RABIF: variants seen among roughly 807,000 people sequenced by gnomAD.
The protein encoded by RABIF is RAB interacting factor, also known as guanine nucleotide exchange factor MSS4.
A neutral mutation model predicts 12.3 loss-of-function variants in RABIF; 13 were observed. That is an observed-to-expected ratio of 1.06 (90% confidence interval 0.69 to 1.68). The LOEUF (loss-of-function observed/expected upper bound fraction) is 1.68, where lower values mean the gene tolerates loss of function less well. RABIF is among the 40% of genes most tolerant of loss of function. The pLI is 0.00. For synonymous variants in RABIF, 70 were observed against 63.3 expected (o/e 1.11, Z -0.50); for missense variants, 153 against 158.0 (o/e 0.97, Z 0.17).
chr1:202,886,855 TC>T (rs1360380404), intron 1 of RABIF, among the ~76,000 whole-genome samples: 8 of 150,826 alleles, frequency 5.3e-5, no homozygotes, highest in Non-Finnish European at 1.0e-4. Context: ...CCCCTCAGCC[TC>T]CCAAGTAGCT....
intron 1 of RABIF, 142 bp downstream of exon 1, chr1:202,888,831 G>C (rs886619704): frequency 8.3e-7 from 1 of 1,200,310 alleles, no homozygotes; most frequent in East Asian, 3.1e-5. Context: ...GCCTCGCCGA[G>C]CTGAGGCCCG....
intron 1 of RABIF, among the ~76,000 whole-genome samples, chr1:202,885,761 T>A (rs1190816246): frequency 6.6e-6 from 1 of 152,208 alleles, no homozygotes; most frequent in Non-Finnish European, 1.5e-5. Context: ...TTACATCATG[T>A]CCTAGAAGTT....
In RABIF at chr1:202,889,078, C is replaced by G. The variant is rs576258640; in HGVS notation, c.21G>C (p.Pro7=). 3 of 1,608,968 alleles carry G rather than the reference C, an allele frequency of 1.9e-6. No homozygotes were observed. The highest frequency in any genetic ancestry group is 3.4e-5 in the Admixed American group (2 of 59,446). ...GGCCCTCGGCTGACACTAACTCGCT[C>G]GGCTGCTCCGCTGGTTCCATCGCCG... MEPAEQ[P]SELVSAEGRN... is the part of the protein sequence containing the mutation. The change falls in exon 1 of 2, where the codon CCG becomes CCC. Residue 7 remains proline (P), a synonymous_variant. Transcript: ENST00000367262.
intron 1 of RABIF, 133 bp downstream of exon 1, chr1:202,888,840 C>A (rs1034706751): frequency 4.9e-5 from 62 of 1,268,492 alleles, no homozygotes; most frequent in Non-Finnish European, 6.2e-5. Context: ...AGCTGAGGCC[C>A]GAGGGGCGGG....
Position 202,880,543 on chromosome 1 carries a change from T to C in RABIF, c.*435A>G. Reference sequence around the variant, plus strand: ...ATACAACAAAGTCACTCTCAGATATTTGTATGCCTTCTTGAATGAGAAAAA... The same window carrying C: ...ATACAACAAAGTCACTCTCAGATATCTGTATGCCTTCTTGAATGAGAAAAA... On this transcript the variant is annotated 3_prime_UTR_variant, in exon 2 of 2. Transcript: ENST00000367262. 1 of 277,862 alleles carries C rather than the reference T, an allele frequency of 3.6e-6. No homozygotes were observed. The highest frequency in any genetic ancestry group is 5.5e-6 in the Non-Finnish European group (1 of 181,716). 17.2% of individuals were successfully genotyped at this position (277,862 alleles called of 1,614,324 possible).
Position 202,878,388 on chromosome 1 carries a change from T to G in RABIF, c.*2590A>C, listed in dbSNP as rs1056783628. 3.3e-5 allele frequency among the ~76,000 whole-genome samples: 5 copies of G among 152,164 alleles called. No individual in the cohort carries two copies. The highest frequency in any genetic ancestry group is 4.8e-5 in the African/African-American group (2 of 41,438). On this transcript the variant is annotated 3_prime_UTR_variant, in exon 2 of 2. Transcript: ENST00000367262. ...AAGCCCACCTCCCAGGGTTCCCATC[T>G]CCTCTGCTGTCCTGGTTTAGCAATT... is the stretch of plus-strand genomic sequence containing the variant.
chr1:202,880,768 T>C lies in RABIF; in HGVS notation c.*210A>G. 1.5e-6 allele frequency: 2 copies of C among 1,319,612 alleles called. No individual in the cohort carries two copies. Among genetic ancestry groups the C allele is most frequent in the East Asian group, 2.8e-5 (1 of 36,188 alleles). 81.7% of individuals were successfully genotyped at this position (1,319,612 alleles called of 1,614,324 possible). The stretch of plus-strand genomic sequence containing the variant: ...CTGGGGGAAAAGGGAGCTTAGGAAA[T>C]GTGATACAAAGTGAACTAAGCAGGA... On this transcript the variant is annotated 3_prime_UTR_variant, in exon 2 of 2. Transcript: ENST00000367262.
At position 202,879,530 on chromosome 1, in the gene RABIF, A is replaced by G. The variant is rs986562526; in HGVS notation, c.*1448T>C. 2.6e-5 allele frequency: 4 copies of G among 152,198 alleles called. No homozygotes were observed. The highest frequency in any genetic ancestry group is 9.7e-5 in the African/African-American group (4 of 41,440). 9.4% of individuals were successfully genotyped at this position (152,198 alleles called of 1,614,324 possible). On this transcript the variant is annotated 3_prime_UTR_variant, in exon 2 of 2. Coordinates refer to ENST00000367262, the MANE Select transcript of RABIF (RefSeq NM_002871.5). ...ATAACTCTGTTTTTCTGCACATGCC[A>G]TAACGATGGACATGTGACCGTTTGT... is the stretch of plus-strand genomic sequence containing the variant.
Position 202,880,881 on chromosome 1 carries a change from A to C in RABIF, c.*97T>G. ...GTACTCAGTATTTATATTAGCACAG[A>C]CAAGAAGGCAGCGGAACAGTTATAC... On this transcript the variant is annotated 3_prime_UTR_variant, in exon 2 of 2. Coordinates refer to ENST00000367262, the MANE Select transcript of RABIF (RefSeq NM_002871.5). 1.3e-6 allele frequency: 2 copies of C among 1,542,428 alleles called. No homozygotes were observed. Among genetic ancestry groups the C allele is most frequent in the South Asian group, 1.3e-5 (1 of 79,690 alleles).
intron 1 of RABIF, among the ~76,000 whole-genome samples, chr1:202,886,648 C>T (rs1443351169): frequency 6.6e-6 from 1 of 152,114 alleles, no homozygotes; most frequent in Non-Finnish European, 1.5e-5. Flanking sequence ...TGTAATCCCA[C>T]CACTTTGGGA....
chr1:202,889,136 C>T lies in RABIF; in HGVS notation c.-38G>A, dbSNP rs780007921. The stretch of plus-strand genomic sequence containing the variant: ...CACAGGCTCCTCAGCCACGGCTGCG[C>T]AGACGCTGTCTCTGCTGGCTCGTTA... On this transcript the variant is annotated 5_prime_UTR_variant, in exon 1 of 2. Transcript: ENST00000367262. 1 of 1,577,208 alleles carries T rather than the reference C, an allele frequency of 6.3e-7. No homozygotes were observed. Among genetic ancestry groups the T allele is most frequent in the Non-Finnish European group, 8.6e-7 (1 of 1,162,060 alleles).
At position 202,881,106 on chromosome 1, in the gene RABIF, A is replaced by G. The variant is rs750676659; in HGVS notation, c.244T>C (p.Phe82Leu). 6 of 1,614,074 alleles carry G rather than the reference A, an allele frequency of 3.7e-6. No individual in the cohort carries two copies. Among genetic ancestry groups the G allele is most frequent in the Non-Finnish European group, 5.1e-6 (6 of 1,180,040 alleles). Reference protein sequence around the residue: ...EDMFIFENVGFTKDVGNIKFL... With the variant: ...EDMFIFENVGLTKDVGNIKFL... ...TTGATGTTGCCCACGTCCTTGGTGA[A>G]GCCCACATTCTCAAAAATGAACATG... Residue 82 changes from phenylalanine to leucine, a missense_variant, in exon 2 of 2, where the codon TTC becomes CTC. Phe to Leu is a conservative substitution (Grantham distance 22). Coordinates refer to ENST00000367262, the MANE Select transcript of RABIF (RefSeq NM_002871.5).
intron 1 of RABIF, among the ~76,000 whole-genome samples, chr1:202,887,337 GA>G (rs66681340): frequency 0.014 from 1,696 of 124,782 alleles, 31 homozygotes; most frequent in African/African-American, 0.043. Context: ...AAAACATTAT[GA>G]AAAATTTTTT....
In RABIF at chr1:202,885,086, CA is replaced by C. The variant is rs113531957; in HGVS notation, c.127-3864del. Among the ~76,000 whole-genome samples the C allele has an allele frequency of 1.8e-3, 220 of 120,488 alleles. 1 individual carries two copies. The highest frequency in any genetic ancestry group is 6.7e-3 in the African/African-American group (193 of 28,730). 79.0% of individuals were successfully genotyped at this position (120,488 alleles called of 152,430 possible). A position where few individuals can be genotyped will look rare whatever the true frequency, so the allele number is the denominator to read the frequency against. On this transcript the variant is annotated intron_variant, in intron 1 of 1. Transcript: ENST00000367262. ...TGGGCAACAGAGTGAGACTCTATCT[CA>C]AAAAAAAAAAAAAAAAAAAAAAAAA... is the stretch of plus-strand genomic sequence containing the variant.
rs528945494 is a variant in RABIF at position 202,886,765 on chromosome 1, C to T, written c.126+2208G>A. 2.4e-4 allele frequency among the ~76,000 whole-genome samples: 35 copies of T among 143,766 alleles called. No homozygotes were observed. The East Asian group carries it at 6.0e-3, about 25-fold the overall frequency. 94.3% of individuals were successfully genotyped at this position (143,766 alleles called of 152,430 possible). On this transcript the variant is annotated intron_variant, in intron 1 of 1. Transcript: ENST00000367262. Reference sequence around the variant, plus strand: ...TTTTTCTTTTTTTTTTTTTTTGAGACGGAGTCTCGCTCTGTCACTCAGGCT... The same window carrying T: ...TTTTTCTTTTTTTTTTTTTTTGAGATGGAGTCTCGCTCTGTCACTCAGGCT...
intron 1 of RABIF, among the ~76,000 whole-genome samples, 196 bp downstream of exon 1, chr1:202,888,777 G>C (rs942779153): frequency 6.6e-6 from 1 of 152,214 alleles, no homozygotes; most frequent in African/African-American, 2.4e-5. Context: ...ATGCCGGGGC[G>C]GGACCCGGTT....
At position 202,880,605 on chromosome 1, in the gene RABIF, T is replaced by G. The variant is rs1287249842; in HGVS notation, c.*373A>C. The G allele has an allele frequency of 2.6e-6, 2 of 766,912 alleles. No homozygotes were observed. Among genetic ancestry groups the G allele is most frequent in the Non-Finnish European group, 3.2e-6 (2 of 624,858 alleles). 47.5% of individuals were successfully genotyped at this position (766,912 alleles called of 1,614,324 possible). On this transcript the variant is annotated 3_prime_UTR_variant, in exon 2 of 2. Transcript: ENST00000367262. ...ACTATTAGTACATAAGCATCTTTTG[T>G]TATGTGTCATCATAGCTAAAAGGTT...
In RABIF at chr1:202,881,147, T is replaced by A. The variant is rs1399660346; in HGVS notation, c.203A>T (p.His68Leu). 1 of 1,614,032 alleles carries A rather than the reference T, an allele frequency of 6.2e-7. No individual in the cohort carries two copies. The highest frequency in any genetic ancestry group is 1.3e-5 in the African/African-American group (1 of 74,894). Residue 68 changes from histidine to leucine, a missense_variant, in exon 2 of 2, where the codon CAC becomes CTC. Around this residue, in one of 2 missense-constraint regions of RABIF, gnomAD observed 113 missense variants for 90.9 expected, o/e 1.24. Transcript: ENST00000367262. ...SNPDGDLLQE[H>L]WLVEDMFIFE... ...AATGAACATGTCCTCAACCAGCCAG[T>A]GTTCCTGGAGGAGATCGCCGTCAGG...
Position 202,889,085 on chromosome 1 carries a change from T to G in RABIF, c.14A>C (p.Glu5Ala). MEPAEQPSELVSAEG... is the reference protein window; with the variant it reads MEPAAQPSELVSAEG... Reference sequence around the variant, plus strand: ...GGCTGACACTAACTCGCTCGGCTGCTCCGCTGGTTCCATCGCCGCTGCCGC... The same window carrying G: ...GGCTGACACTAACTCGCTCGGCTGCGCCGCTGGTTCCATCGCCGCTGCCGC... The change falls in exon 1 of 2, where the codon GAG becomes GCG. Residue 5 changes from glutamate to alanine, a missense_variant. Around this residue, in one of 2 missense-constraint regions of RABIF, gnomAD observed 113 missense variants for 90.9 expected, o/e 1.24. Transcript: ENST00000367262. 6.2e-7 allele frequency: 1 copy of G among 1,605,726 alleles called. No individual in the cohort carries two copies. Among genetic ancestry groups the G allele is most frequent in the South Asian group, 1.1e-5 (1 of 90,528 alleles).
Sources: allele counts gnomAD v4.1 joint callset (sites outside exome capture counted in the v4.1 genomes callset), GRCh38; gene constraint gnomAD v4.1.1; regional missense constraint gnomAD v4.1.1; transcripts MANE v1.5; gene names NCBI Gene and HGNC (gene_info 2026-07-23, HGNC 2026-07-21).